Variants in MIER3 observed in about 807,000 individuals in gnomAD.
The protein encoded by MIER3 is MIER family member 3.
MIER3 carries 9 observed loss-of-function variants against 63.2 expected under a neutral mutation model. The ratio of observed to expected loss-of-function variants is 0.14; its 90% confidence interval spans 0.09 to 0.25. The LOEUF (loss-of-function observed/expected upper bound fraction) is 0.25, where lower values mean the gene tolerates loss of function less well. Among genes scored for constraint, MIER3 ranks in the 10% least tolerant of loss-of-function variants. The pLI is 1.00. For missense variants in MIER3, 512 were observed against 666.2 expected, an observed-to-expected ratio of 0.77 and a Z score of 2.55; for synonymous variants, 205 against 224.9, an observed-to-expected ratio of 0.91 and a Z score of 0.79.
intron 8 of MIER3, among the ~76,000 whole-genome samples, chr5:56,931,400 A>C (rs764055478): frequency 2.6e-5 from 4 of 152,138 alleles, no homozygotes; most frequent in Non-Finnish European, 5.9e-5. Flanking sequence ...TTAATATATC[A>C]ATAGCCTACA....
Position 56,935,495 on chromosome 5 carries a change from T to C in MIER3, c.528A>G (p.Ile176Met). 1 of 1,589,140 alleles carries C rather than the reference T, an allele frequency of 6.3e-7. No homozygotes were observed. The highest frequency in any genetic ancestry group is 8.5e-7 in the Non-Finnish European group (1 of 1,172,618). ...CTGCCTGATATTGTAAACCAATCAT[T>C]ATTTCCTACAGGAAAATTGAGAGGT... The part of the protein sequence containing the change: ...GNSPEDLRKE[I>M]MIGLQYQAEI... The change falls in exon 7 of 13, where the codon ATA becomes ATG. Residue 176 changes from isoleucine to methionine, a missense_variant. Ile to Met is a conservative substitution (Grantham distance 10, BLOSUM62 1). Coordinates refer to ENST00000381199, the MANE Select transcript of MIER3 (RefSeq NM_001297599.2).
At chr5:56,949,076 C>G (rs1041248417) in intron 2 of MIER3, among the ~76,000 whole-genome samples, 1 of 152,192 alleles carries the variant, frequency 6.6e-6, no homozygotes, top group African/African-American at 2.4e-5. Context: ...CTCTAAAATT[C>G]TCTTTTTAAA....
intron 3 of MIER3, among the ~76,000 whole-genome samples, chr5:56,944,337 C>G (rs1386200636): frequency 6.6e-6 from 1 of 151,970 alleles, no homozygotes; most frequent in Admixed American, 6.6e-5. Context: ...AAAAATTAGC[C>G]AGGCTTGGTG....
chr5:56,921,135 T>C lies in MIER3; in HGVS notation c.*1993A>G, dbSNP rs1440461839. 3 of 152,576 alleles carry C rather than the reference T, an allele frequency of 2.0e-5. No homozygotes were observed. The highest frequency in any genetic ancestry group is 4.4e-5 in the Non-Finnish European group (3 of 67,982). The allele number at this position is 152,576 out of a possible 1,614,324, so 9.5% of individuals were successfully genotyped here. ...CAGCTACTGAGAATGGGCATGTTCA[T>C]TTAAGTGCAACTGGTATTAGCATTC... is the stretch of plus-strand genomic sequence containing the variant. On this transcript the variant is annotated 3_prime_UTR_variant, in exon 13 of 13. Coordinates refer to ENST00000381199, the MANE Select transcript of MIER3 (RefSeq NM_001297599.2).
Position 56,923,702 on chromosome 5 carries a change from C to T in MIER3, c.1184G>A (p.Ser395Asn), listed in dbSNP as rs375219210. 4 of 1,614,102 alleles carry T rather than the reference C, an allele frequency of 2.5e-6. No homozygotes were observed. The highest frequency in any genetic ancestry group is 1.7e-6 in the Non-Finnish European group (2 of 1,180,044). Reference sequence around the variant, plus strand: ...GGTCTTCATTTTACCTGTCAAGTCACTGGCAGTGAAGGAGTTGAGAATGTT... The same window carrying T: ...GGTCTTCATTTTACCTGTCAAGTCATTGGCAGTGAAGGAGTTGAGAATGTT... ...QLNILNSFTA[S>N]DLTALTNSVA... Residue 395 changes from serine (S) to asparagine (N), a missense_variant, in exon 12 of 13, where the codon AGT becomes AAT. Physicochemically the swap from Ser to Asn is conservative, Grantham distance 46 (BLOSUM62 1). Around this residue, in one of 5 missense-constraint regions of MIER3, gnomAD observed 218 missense variants for 251.2 expected, o/e 0.87. Transcript: ENST00000381199.
In MIER3 at chr5:56,950,668, G is replaced by GA; in HGVS notation, c.10-17dup. The GA allele has an allele frequency of 6.2e-7, 1 of 1,611,660 alleles. No individual in the cohort carries two copies. The highest frequency in any genetic ancestry group is 1.1e-5 in the South Asian group (1 of 90,870). On this transcript the variant is annotated splice_polypyrimidine_tract_variant and intron_variant, in intron 1 of 12. Transcript: ENST00000381199. The stretch of plus-strand genomic sequence containing the variant: ...CAAAAGAAGCCTAGGAGAGAGAGAA[G>GA]AAAACGTGAGGTTAGATCGCACAGC...
At position 56,923,728 on chromosome 5, in the gene MIER3, T is replaced by G. The variant is rs780499414; in HGVS notation, c.1158A>C (p.Leu386=). ...NRPEPIPDQQ[L]NILNSFTASD... The stretch of plus-strand genomic sequence containing the variant: ...TGGCAGTGAAGGAGTTGAGAATGTT[T>G]AGCTGTTGATCAGGAATAGGCTCAG... The change falls in exon 12 of 13, where the codon CTA becomes CTC. Residue 386 remains leucine (L), a synonymous_variant. Transcript: ENST00000381199. The G allele has an allele frequency of 1.4e-5, 23 of 1,614,244 alleles. No individual in the cohort carries two copies. The highest frequency in any genetic ancestry group is 2.7e-5 in the African/African-American group (2 of 75,068).
In MIER3 at chr5:56,920,508, T is replaced by C. The variant is rs755916198; in HGVS notation, c.*2620A>G. The stretch of plus-strand genomic sequence containing the variant: ...TATAAGAATTGTGCTTAACACTTGA[T>C]AATAAAGGCATTATTGTTTCTTCAC... On this transcript the variant is annotated 3_prime_UTR_variant, in exon 13 of 13. Coordinates refer to ENST00000381199, the MANE Select transcript of MIER3 (RefSeq NM_001297599.2). The C allele has an allele frequency of 1.0e-4, 16 of 152,700 alleles. No individual in the cohort carries two copies. Among genetic ancestry groups the C allele is most frequent in the Non-Finnish European group, 1.5e-4 (10 of 67,960 alleles). The allele number at this position is 152,700 out of a possible 1,614,324, so 9.5% of individuals were successfully genotyped here.
chr5:56,924,895 A>C (rs1244038619), intron 10 of MIER3, among the ~76,000 whole-genome samples: 6 of 152,244 alleles, frequency 3.9e-5, no homozygotes, highest in Non-Finnish European at 1.5e-5. Flanking sequence ...TATGGGAATA[A>C]GCTTTTTAAA....
intron 3 of MIER3, among the ~76,000 whole-genome samples, chr5:56,943,846 A>G (rs1055301354): frequency 1.4e-4 from 21 of 152,334 alleles, no homozygotes; most frequent in African/African-American, 4.8e-4. Context: ...TATCCCGGGT[A>G]TAAGGATTTT....
rs2591968 is a variant in MIER3, at chr5:56,937,714, G to A, written c.316-16C>T. On this transcript the variant is annotated splice_polypyrimidine_tract_variant and intron_variant, in intron 4 of 12. Coordinates refer to ENST00000381199, the MANE Select transcript of MIER3 (RefSeq NM_001297599.2). Reference sequence around the variant, plus strand: ...CTATTTCCTCCTGGAAGAATAAGAAGGCAGTGCTACAGTTAGAAATGATTA... The same window carrying A: ...CTATTTCCTCCTGGAAGAATAAGAAAGCAGTGCTACAGTTAGAAATGATTA... 436,150 of 1,595,082 alleles carry A rather than the reference G, an allele frequency of 0.27. 63,724 individuals are homozygous for A. Among genetic ancestry groups the A allele is most frequent in the East Asian group, 0.55 (24,393 of 44,368 alleles).
intron 10 of MIER3, among the ~76,000 whole-genome samples, chr5:56,927,101 C>G (rs901632386): frequency 1.3e-5 from 2 of 149,882 alleles, no homozygotes; most frequent in Non-Finnish European, 3.0e-5. Context: ...GGGGAAGGGA[C>G]AGAGGGAAGA....
At chr5:56,936,549 C>T (rs765076960) in intron 5 of MIER3, among the ~76,000 whole-genome samples, 2 of 152,148 alleles carry the variant, frequency 1.3e-5, no homozygotes, top group Non-Finnish European at 2.9e-5. Flanking sequence ...CTCACTCTGT[C>T]ACCCAGGCTG....
chr5:56,920,465 G>T lies in MIER3; in HGVS notation c.*2663C>A, dbSNP rs1309456405. ...GGGGCAAAGGAAAAAAAAACAAAAA[G>T]AATTTATCACAGTTTGTTATAAGAA... On this transcript the variant is annotated 3_prime_UTR_variant, in exon 13 of 13. Coordinates refer to ENST00000381199, the MANE Select transcript of MIER3 (RefSeq NM_001297599.2). 2 of 152,288 alleles carry T rather than the reference G, an allele frequency of 1.3e-5. No homozygotes were observed. Among genetic ancestry groups the T allele is most frequent in the Admixed American group, 6.6e-5 (1 of 15,246 alleles). The allele number at this position is 152,288 out of a possible 1,614,324, so 9.4% of individuals were successfully genotyped here.
chr5:56,948,000 C>T (rs1750884151), intron 2 of MIER3, among the ~76,000 whole-genome samples: 1 of 152,138 alleles, frequency 6.6e-6, no homozygotes, highest in Admixed American at 6.5e-5. Flanking sequence ...AGACCCGTAA[C>T]CCTCAGAGCA....
intron 9 of MIER3, 122 bp from the exon 10 acceptor site, chr5:56,928,983 T>TCC: frequency 2.1e-6 from 1 of 481,400 alleles, no homozygotes. Flanking sequence ...ACACACACAC[T>TCC]CTCTCTCTCA....
intron 3 of MIER3, among the ~76,000 whole-genome samples, chr5:56,945,717 C>CA (rs1398634900): frequency 6.6e-6 from 1 of 152,134 alleles, no homozygotes; most frequent in Non-Finnish European, 1.5e-5. Flanking sequence ...AGTCAACACA[C>CA]AACTGAGTTT....
intron 3 of MIER3, among the ~76,000 whole-genome samples, chr5:56,939,349 A>G (rs750386239): frequency 1.3e-5 from 2 of 152,160 alleles, no homozygotes; most frequent in Non-Finnish European, 2.9e-5. Context: ...AAACATTTCC[A>G]ATTAATCAAT....
At chr5:56,943,594 G>A (rs1561244276) in intron 3 of MIER3, among the ~76,000 whole-genome samples, 1 of 152,176 alleles carries the variant, frequency 6.6e-6, no homozygotes, top group South Asian at 2.1e-4. Flanking sequence ...GGATGACACG[G>A]GTGGCCAGAG....
Sources: gnomAD v4.1 joint callset for allele counts (sites outside exome capture counted in the v4.1 genomes callset) on GRCh38, gnomAD v4.1.1 for gene constraint, gnomAD v4.1.1 regional missense constraint, MANE v1.5 for transcripts, NCBI Gene and HGNC (gene_info 2026-07-23, HGNC 2026-07-21) for gene names.